OGFOD1: variants seen among roughly 807,000 people sequenced by gnomAD.
OGFOD1 encodes the protein 2-oxoglutarate and iron dependent oxygenase domain containing 1.
A neutral mutation model predicts 67.7 loss-of-function variants in OGFOD1; 54 were observed. That is an observed-to-expected ratio of 0.80 (90% CI 0.64 to 1.00). The LOEUF (loss-of-function observed/expected upper bound fraction) is 1.00, where lower values mean the gene tolerates loss of function less well. Ranked by LOEUF, OGFOD1 falls within the 50% of genes least tolerant of loss-of-function variation. The probability of loss-of-function intolerance (pLI) is 0.00; values close to 1 mark genes in which losing one functional copy is unlikely to be tolerated. For synonymous variants in OGFOD1, 221 were observed against 227.0 expected, an observed-to-expected ratio of 0.97 and a Z score of 0.24; for missense variants, 606 against 646.7, an observed-to-expected ratio of 0.94 and a Z score of 0.68.
Position 56,453,327 on chromosome 16 carries a change from A to G in OGFOD1, c.219A>G (p.Gln73=), listed in dbSNP as rs1962404998. Residue 73 remains glutamine, a synonymous_variant, in exon 2 of 13, where the codon CAA becomes CAG. Coordinates refer to ENST00000566157, the MANE Select transcript of OGFOD1 (RefSeq NM_018233.4). ...HCVIPNFIQS[Q]DFLEGLQKEL... Reference sequence around the variant, plus strand: ...TGATCCCAAACTTCATCCAAAGCCAAGACTTCTTAGAAGGGCTTCAGAAGG... The same window carrying G: ...TGATCCCAAACTTCATCCAAAGCCAGGACTTCTTAGAAGGGCTTCAGAAGG... 6.2e-7 allele frequency: 1 copy of G among 1,614,022 alleles called. No homozygotes were observed. The highest frequency in any genetic ancestry group is 1.3e-5 in the African/African-American group (1 of 74,940).
In OGFOD1 at chr16:56,458,570, G is replaced by A; in HGVS notation, c.323G>A (p.Arg108Lys). The A allele has an allele frequency of 6.2e-7, 1 of 1,613,758 alleles. No homozygotes were observed. Among genetic ancestry groups the A allele is most frequent in the Non-Finnish European group, 8.5e-7 (1 of 1,179,720 alleles). Residue 108 changes from arginine to lysine, a missense_variant, in exon 3 of 13, where the codon AGA (arginine) becomes AAA (lysine). Arg to Lys is a conservative substitution (Grantham distance 26, BLOSUM62 2). Coordinates refer to ENST00000566157, the MANE Select transcript of OGFOD1 (RefSeq NM_018233.4). Reference protein sequence around the residue: ...FQQSDDLKKRREPHISTLRKI... With the variant: ...FQQSDDLKKRKEPHISTLRKI... Reference sequence around the variant, plus strand: ...AAGTCTGATGATTTGAAGAAGAGAAGAGAGCCTCACATCTCCACTTTAAGG... The same window carrying A: ...AAGTCTGATGATTTGAAGAAGAGAAAAGAGCCTCACATCTCCACTTTAAGG...
chr16:56,459,322 C>CA (rs1241482562), intron 3 of OGFOD1, among the ~76,000 whole-genome samples: 11 of 146,884 alleles, frequency 7.5e-5, no homozygotes, highest in South Asian at 2.1e-4. Flanking sequence ...GCCTGGGCGA[C>CA]AACAGCGAGA....
rs536545290 is a variant in OGFOD1, at chr16:56,476,308, G to A, written c.*103G>A. The A allele has an allele frequency of 2.3e-5, 25 of 1,099,124 alleles. No homozygotes were observed. The highest frequency in any genetic ancestry group is 3.1e-5 in the Non-Finnish European group (24 of 774,858). The allele number at this position is 1,099,124 out of a possible 1,614,324, so 68.1% of individuals were successfully genotyped here. On this transcript the variant is annotated 3_prime_UTR_variant, in exon 13 of 13. Transcript: ENST00000566157. ...AGGAGAACTACATGGTAGCTTGCCT[G>A]ACAGTGTTCTTAAAACTGGTTGTCT... is the stretch of plus-strand genomic sequence containing the variant.
chr16:56,472,834 T>G (rs1286853815), intron 10 of OGFOD1, among the ~76,000 whole-genome samples: 2 of 152,222 alleles, frequency 1.3e-5, no homozygotes, highest in East Asian at 3.8e-4. Flanking sequence ...AACCTCTTTC[T>G]GATCCTTTTA....
At chr16:56,469,003 T>C (rs990085516) in intron 8 of OGFOD1, among the ~76,000 whole-genome samples, 1 of 152,256 alleles carries the variant, frequency 6.6e-6, no homozygotes, top group Admixed American at 6.5e-5. Flanking sequence ...ATCCTGTCTC[T>C]CTCTAGCAAT....
chr16:56,465,442 A>G (rs1962863212), intron 4 of OGFOD1, among the ~76,000 whole-genome samples: 1 of 152,216 alleles, frequency 6.6e-6, no homozygotes, highest in South Asian at 2.1e-4. Context: ...GAACAGTGAG[A>G]AACCTGGCTT....
intron 4 of OGFOD1, among the ~76,000 whole-genome samples, chr16:56,463,392 T>TTG: frequency 8.6e-6 from 1 of 115,764 alleles, no homozygotes; most frequent in Non-Finnish European, 1.9e-5. Flanking sequence ...GGGTTTTTTT[T>TTG]TTTTTTTTTT....
chr16:56,475,001 C>G (rs750474285), intron 11 of OGFOD1, 51 bp downstream of exon 11: 3 of 1,595,550 alleles, frequency 1.9e-6, no homozygotes, highest in Admixed American at 1.7e-5. Context: ...GAGGGGCAGT[C>G]TCTTCTGAGG....
intron 3 of OGFOD1, among the ~76,000 whole-genome samples, chr16:56,459,581 CTT>C (rs1447701306): frequency 3.3e-5 from 5 of 152,230 alleles, no homozygotes; most frequent in Admixed American, 6.5e-5. Flanking sequence ...TTCTAAGAAA[CTT>C]TTAACATTTT....
At chr16:56,461,948 C>G (rs1179634399) in intron 3 of OGFOD1, among the ~76,000 whole-genome samples, 1 of 152,022 alleles carries the variant, frequency 6.6e-6, no homozygotes, top group East Asian at 1.9e-4. Flanking sequence ...TAAAAATTAG[C>G]CGGGCGTGCT....
intron 4 of OGFOD1, among the ~76,000 whole-genome samples, chr16:56,463,384 G>GTTTTTTTTTTTTTTTTTTTTTTTTTT (rs56388148): frequency 4.6e-5 from 2 of 43,784 alleles, no homozygotes; most frequent in Non-Finnish European, 7.8e-5. Context: ...TCTTTTTTGG[G>GTTTTTTTTTTTTTTTTTTTTTTTTTT]TTTTTTTTTT....
Position 56,470,132 on chromosome 16 carries a change from A to G in OGFOD1, c.980+50A>G, listed in dbSNP as rs756500957. On this transcript the variant is annotated intron_variant, in intron 9 of 12. Transcript: ENST00000566157. Reference sequence around the variant, plus strand: ...TGCTTCTACATTCAGCACCTATAACATTTTTTTATAACTAGTAAAATGACA... The same window carrying G: ...TGCTTCTACATTCAGCACCTATAACGTTTTTTTATAACTAGTAAAATGACA... 5 of 1,504,026 alleles carry G rather than the reference A, an allele frequency of 3.3e-6. No homozygotes were observed. In the East Asian group the frequency reaches 6.8e-5, roughly 20 times the overall value. 93.2% of individuals were successfully genotyped at this position (1,504,026 alleles called of 1,614,324 possible). A position where few individuals can be genotyped will look rare whatever the true frequency, so the allele number is the denominator to read the frequency against.
intron 10 of OGFOD1, among the ~76,000 whole-genome samples, chr16:56,472,847 T>G (rs2144045313): frequency 6.6e-6 from 1 of 152,318 alleles, no homozygotes; most frequent in African/African-American, 2.4e-5. Flanking sequence ...TCCTTTTACA[T>G]CCTTTATAAC....
At position 56,474,850 on chromosome 16, in the gene OGFOD1, A is replaced by C; in HGVS notation, c.1308A>C (p.Gln436His). ...TAGAATCAAGTGTTCCCATGTGCCAAGGGGAACTGAGGCATTGGAAGACCG... is the reference window on the plus strand; with the variant it reads ...TAGAATCAAGTGTTCCCATGTGCCACGGGGAACTGAGGCATTGGAAGACCG... ...TKKESSVPMC[Q>H]GELRHWKTGH... The change falls in exon 11 of 13, where the codon CAA becomes CAC. Residue 436 changes from glutamine (Q) to histidine (H), a missense_variant. Gln to His is a conservative substitution (Grantham distance 24, BLOSUM62 0). Transcript: ENST00000566157. The C allele has an allele frequency of 6.2e-7, 1 of 1,612,896 alleles. No individual in the cohort carries two copies.
intron 3 of OGFOD1, among the ~76,000 whole-genome samples, 159 bp from the exon 4 acceptor site, chr16:56,462,375 T>A (rs1396985265): frequency 6.6e-6 from 1 of 152,212 alleles, no homozygotes; most frequent in Admixed American, 6.5e-5. Context: ...AAATTTGAAC[T>A]GAGAAACATT....
chr16:56,457,806 A>G (rs1246293338), intron 2 of OGFOD1, among the ~76,000 whole-genome samples: 4 of 151,948 alleles, frequency 2.6e-5, no homozygotes, highest in African/African-American at 9.7e-5. Context: ...CAGCCTCCCG[A>G]GTAGCTGGAA....
chr16:56,458,250 C>T (rs1374560540), intron 2 of OGFOD1: 3 of 338,990 alleles, frequency 8.8e-6, no homozygotes, highest in Admixed American at 4.5e-5. Flanking sequence ...ATGCACTTCT[C>T]ACCATCTTTA....
rs766511528 is a variant in OGFOD1 at position 56,470,510 on chromosome 16, G to GT, written c.1005dup (p.Lys336Ter). The GT allele has an allele frequency of 5.0e-6, 8 of 1,612,602 alleles. No individual in the cohort carries two copies. Among genetic ancestry groups the GT allele is most frequent in the Non-Finnish European group, 6.8e-6 (8 of 1,179,468 alleles). ...AGGTTTTATGAGAAAGCTGAGGAGA[G>GT]TAAGCTTCCTGAGATATTGAAGGAG... On this transcript the variant is annotated frameshift_variant, in exon 10 of 13. Coordinates refer to ENST00000566157, the MANE Select transcript of OGFOD1 (RefSeq NM_018233.4). LOFTEE classifies it high-confidence loss of function.
chr16:56,463,282 T>C (rs1962778266), intron 4 of OGFOD1, among the ~76,000 whole-genome samples: 1 of 151,822 alleles, frequency 6.6e-6, no homozygotes, highest in African/African-American at 2.4e-5. Context: ...TACACTGTCC[T>C]GGAAGTATAG....
Sources: gnomAD v4.1 joint callset for allele counts (sites outside exome capture counted in the v4.1 genomes callset) on GRCh38, gnomAD v4.1.1 for gene constraint, MANE v1.5 for transcripts, NCBI Gene and HGNC (gene_info 2026-07-23, HGNC 2026-07-21) for gene names.